SLC39A14: variants seen among roughly 807,000 people sequenced by gnomAD.
SLC39A14 encodes metal cation symporter ZIP14.
SLC39A14 carries 19 observed loss-of-function variants against 45.5 expected under a neutral mutation model. The ratio of observed to expected loss-of-function variants is 0.42; its 90% CI spans 0.29 to 0.61. SLC39A14 has a LOEUF of 0.61. Among genes scored for constraint, SLC39A14 ranks in the 20% least tolerant of loss-of-function variants. SLC39A14 has a pLI of 0.22. For synonymous variants in SLC39A14, 264 were observed against 251.3 expected (o/e 1.05, Z -0.48); for missense variants, 447 against 616.5 (o/e 0.73, Z 2.91).
intron 1 of SLC39A14, among the ~76,000 whole-genome samples, chr8:22,371,145 A>G (rs1485991162): frequency 6.6e-6 from 1 of 152,174 alleles, no homozygotes; most frequent in African/African-American, 2.4e-5. Context: ...AAGCCACAGA[A>G]TTGGCCTGCC....
intron 8 of SLC39A14, among the ~76,000 whole-genome samples, chr8:22,428,810 C>G (rs1367216735): frequency 6.6e-6 from 1 of 152,104 alleles, no homozygotes; most frequent in Non-Finnish European, 1.5e-5. Flanking sequence ...CTTGATCTAA[C>G]TGATGATTTT....
intron 1 of SLC39A14, among the ~76,000 whole-genome samples, chr8:22,395,123 C>T (rs572341400): frequency 6.6e-6 from 1 of 152,066 alleles, no homozygotes; most frequent in South Asian, 2.1e-4. Flanking sequence ...AATTCCCCTG[C>T]CCCAGCCTCC....
At chr8:22,376,378 T>A (rs1833218899) in intron 1 of SLC39A14, among the ~76,000 whole-genome samples, 1 of 150,190 alleles carries the variant, frequency 6.7e-6, no homozygotes, top group Non-Finnish European at 1.5e-5. Context: ...AGACAGGGTT[T>A]CACCATGTTG....
chr8:22,414,283 G>A (rs548464356), intron 4 of SLC39A14, among the ~76,000 whole-genome samples: 6 of 152,252 alleles, frequency 3.9e-5, no homozygotes, highest in South Asian at 2.1e-4. Flanking sequence ...GGAGGTCTGC[G>A]GTTAGGAAAA....
intron 1 of SLC39A14, among the ~76,000 whole-genome samples, chr8:22,383,927 C>T (rs1833646878): frequency 6.6e-6 from 1 of 152,168 alleles, no homozygotes; most frequent in Non-Finnish European, 1.5e-5. Flanking sequence ...CAGAAAGATG[C>T]AAAAAGTACA....
intron 7 of SLC39A14, 42 bp from the exon 8 acceptor site, chr8:22,417,609 C>G: frequency 1.3e-6 from 2 of 1,566,682 alleles, no homozygotes; most frequent in Non-Finnish European, 1.7e-6. Flanking sequence ...CCATCTTACT[C>G]TTCCTTCCTC....
At chr8:22,431,737 G>T (rs989222025) in intron 8 of SLC39A14, among the ~76,000 whole-genome samples, 4 of 152,154 alleles carry the variant, frequency 2.6e-5, no homozygotes, top group Admixed American at 1.3e-4. Flanking sequence ...AAAAAAAAGT[G>T]GGGGGATACA....
intron 1 of SLC39A14, among the ~76,000 whole-genome samples, chr8:22,377,905 G>C (rs1361962433): frequency 6.6e-6 from 1 of 152,186 alleles, no homozygotes; most frequent in Non-Finnish European, 1.5e-5. Context: ...ATTTGGATCT[G>C]TGCCCGCTCG....
At chr8:22,370,293 G>A (rs1207756467) in intron 1 of SLC39A14, among the ~76,000 whole-genome samples, 1 of 152,148 alleles carries the variant, frequency 6.6e-6, no homozygotes, top group African/African-American at 2.4e-5. Context: ...TATTCCAAGA[G>A]GAAACTCAAT....
At chr8:22,371,872 G>A (rs1034314694) in intron 1 of SLC39A14, among the ~76,000 whole-genome samples, 26 of 150,972 alleles carry the variant, frequency 1.7e-4, no homozygotes, top group African/African-American at 5.9e-4. Context: ...AGCTTCCCGA[G>A]TAGCTAGGAT....
intron 8 of SLC39A14, among the ~76,000 whole-genome samples, chr8:22,433,373 T>C (rs1351514489): frequency 6.6e-6 from 1 of 151,774 alleles, no homozygotes; most frequent in East Asian, 1.9e-4. Context: ...AGAAATGGAG[T>C]CTTGCTATGT....
chr8:22,417,897 G>GTT, intron 8 of SLC39A14, 62 bp downstream of exon 8: 1 of 1,397,790 alleles, frequency 7.2e-7, no homozygotes, highest in Admixed American at 2.3e-5. Flanking sequence ...TAGGTAGGTA[G>GTT]TTTTTTTTTA....
downstream of SLC39A14, among the ~76,000 whole-genome samples, chr8:22,427,561 T>C (rs918655136): frequency 6.6e-6 from 1 of 152,024 alleles, no homozygotes; most frequent in South Asian, 2.1e-4. Context: ...GAATAGGCGA[T>C]TCTTTCAAGT....
intron 1 of SLC39A14, among the ~76,000 whole-genome samples, chr8:22,374,302 C>T (rs960783971): frequency 7.9e-5 from 12 of 152,056 alleles, no homozygotes; most frequent in Non-Finnish European, 1.8e-4. Context: ...TGCTGAGTAC[C>T]ATCTCCATTC....
At chr8:22,379,942 A>G (rs35344182) in intron 1 of SLC39A14, among the ~76,000 whole-genome samples, 2 of 142,880 alleles carry the variant, frequency 1.4e-5, no homozygotes, top group East Asian at 2.3e-4. Context: ...AAAAAAAAAA[A>G]AAAAAGAAAA....
At chr8:22,427,075 C>G (rs1470315780), downstream of SLC39A14, among the ~76,000 whole-genome samples, 1 of 151,696 alleles carries the variant, frequency 6.6e-6, no homozygotes, top group Admixed American at 6.6e-5. Context: ...GGCGGATCAC[C>G]TGAGGTCGGG....
chr8:22,385,748 G>A (rs1337246196), intron 1 of SLC39A14, among the ~76,000 whole-genome samples: 2 of 152,102 alleles, frequency 1.3e-5, no homozygotes, highest in African/African-American at 4.8e-5. Flanking sequence ...CATAATCCTA[G>A]CACTTTGGGA....
intron 8 of SLC39A14, among the ~76,000 whole-genome samples, chr8:22,430,966 G>C (rs1412492976): frequency 6.8e-6 from 1 of 147,940 alleles, no homozygotes; most frequent in Non-Finnish European, 1.5e-5. Context: ...AGCTGCCGCA[G>C]CCGGTCTGGG....
intron 1 of SLC39A14, among the ~76,000 whole-genome samples, chr8:22,375,797 T>G (rs2132170674): frequency 6.6e-6 from 1 of 152,318 alleles, no homozygotes; most frequent in Middle Eastern, 3.4e-3. Context: ...CATGGCTGTA[T>G]CTTAGTTTGC....
Sources: allele counts gnomAD v4.1 joint callset (sites outside exome capture counted in the v4.1 genomes callset), GRCh38; gene constraint gnomAD v4.1.1; transcripts MANE v1.5; gene names NCBI Gene and HGNC (gene_info 2026-07-23, HGNC 2026-07-21).